The following PACRG variants were observed in gnomAD, a reference collection of about 807,000 sequenced individuals.
PACRG encodes the protein parkin coregulated gene protein.
In PACRG, 29 loss-of-function variants were observed where a neutral mutation model predicts 29.7. The ratio of observed to expected loss-of-function variants is 0.98; its 90% confidence interval spans 0.73 to 1.33. PACRG has a LOEUF of 1.33. PACRG is among the 40% of genes most tolerant of loss of function. PACRG has a pLI of 0.00. For missense variants in PACRG, 279 were observed against 316.2 expected (o/e 0.88, Z 0.89); for synonymous variants, 116 against 118.7 (o/e 0.98, Z 0.15).
At chr6:163,092,795 T>C (rs1209979306) in intron 4 of PACRG, among the ~76,000 whole-genome samples, 1 of 152,242 alleles carries the variant, frequency 6.6e-6, no homozygotes, top group Non-Finnish European at 1.5e-5. Context: ...CAACATTATA[T>C]ACATATCCAA....
At chr6:163,253,407 G>A (rs960610845) in intron 4 of PACRG, among the ~76,000 whole-genome samples, 1 of 151,916 alleles carries the variant, frequency 6.6e-6, no homozygotes, top group Non-Finnish European at 1.5e-5. Context: ...AAATCGAATT[G>A]GTTGGAATCC....
chr6:163,151,216 T>C lies in PACRG; in HGVS notation c.613+61808T>C, dbSNP rs75421377. On this transcript the variant is annotated intron_variant, in intron 4 of 4. Coordinates refer to ENST00000366888, the MANE Select transcript of PACRG (RefSeq NM_001080379.2). ...CTGAAATCTCACCATTGTACTCCAC[T>C]AGAATGAAACCTTTGTTGGCCCGGA... is the stretch of plus-strand genomic sequence containing the variant. Among the ~76,000 whole-genome samples the C allele has an allele frequency of 2.0e-5, 3 of 152,368 alleles. No homozygotes were observed. The East Asian group carries it at 5.8e-4, about 29-fold the overall frequency.
intron 4 of PACRG, among the ~76,000 whole-genome samples, chr6:163,128,674 G>A (rs1816609029): frequency 6.6e-6 from 1 of 152,194 alleles, no homozygotes; most frequent in South Asian, 2.1e-4. Flanking sequence ...CATGCCATTA[G>A]GATGATCATG....
intron 2 of PACRG, among the ~76,000 whole-genome samples, chr6:163,056,915 G>A (rs1204236152): frequency 6.6e-6 from 1 of 152,170 alleles, no homozygotes; most frequent in African/African-American, 2.4e-5. Context: ...TTTAGCAGCA[G>A]TGCTTTGGCA....
chr6:163,178,816 A>G (rs1779511358), intron 4 of PACRG, among the ~76,000 whole-genome samples: 1 of 152,326 alleles, frequency 6.6e-6, no homozygotes, highest in Admixed American at 6.5e-5. Flanking sequence ...TAGGTACAGT[A>G]TCTGGCATTC....
intron 3 of PACRG, among the ~76,000 whole-genome samples, chr6:163,074,136 C>T (rs1246870694): frequency 6.6e-6 from 1 of 152,138 alleles, no homozygotes; most frequent in African/African-American, 2.4e-5. Context: ...TTTATTGCAG[C>T]ACTATTCACA....
rs183267557 is a variant in PACRG, at chr6:162,989,031, A to G, written c.292-73119A>G. 8.5e-5 allele frequency among the ~76,000 whole-genome samples: 13 copies of G among 152,316 alleles called. No individual in the cohort carries two copies. In the East Asian group the frequency reaches 2.5e-3, roughly 29 times the overall value. ...CGAAAAAATTCAATATACTTTTTAAATAGCCCAATCAAGAATAGACACGTC... is the reference window on the plus strand; with the variant it reads ...CGAAAAAATTCAATATACTTTTTAAGTAGCCCAATCAAGAATAGACACGTC... On this transcript the variant is annotated intron_variant, in intron 2 of 4. Coordinates refer to ENST00000366888, the MANE Select transcript of PACRG (RefSeq NM_001080379.2).
chr6:162,937,781 G>A (rs9458674), intron 2 of PACRG, among the ~76,000 whole-genome samples: 4,426 of 152,120 alleles, frequency 0.029, 90 homozygotes, highest in Middle Eastern at 0.075. Flanking sequence ...AACATATTCT[G>A]TTGTCTCGGT....
At chr6:163,050,872 C>G (rs909781421) in intron 2 of PACRG, among the ~76,000 whole-genome samples, 5 of 152,144 alleles carry the variant, frequency 3.3e-5, no homozygotes, top group African/African-American at 1.2e-4. Context: ...TCTGCATTTT[C>G]CCTCTGAATA....
At chr6:162,869,716 G>T (rs1792637480) in intron 2 of PACRG, among the ~76,000 whole-genome samples, 1 of 152,120 alleles carries the variant, frequency 6.6e-6, no homozygotes, top group African/African-American at 2.4e-5. Context: ...TGCTTGGAAA[G>T]CCTGATTCTT....
At chr6:162,941,141 G>T (rs1168790978) in intron 2 of PACRG, among the ~76,000 whole-genome samples, 1 of 152,058 alleles carries the variant, frequency 6.6e-6, no homozygotes, top group Non-Finnish European at 1.5e-5. Flanking sequence ...AGCCTTTGGG[G>T]TTACCCTCTT....
At chr6:163,302,266 T>A (rs1230058056) in intron 4 of PACRG, among the ~76,000 whole-genome samples, 1 of 151,990 alleles carries the variant, frequency 6.6e-6, no homozygotes, top group Non-Finnish European at 1.5e-5. Flanking sequence ...TTGTTTTTTT[T>A]TTTGTAAGAT....
In PACRG at chr6:162,864,008, A is replaced by G. The variant is rs532395553; in HGVS notation, c.291+49727A>G. Among the ~76,000 whole-genome samples, 28 of 151,974 alleles carry G rather than the reference A, an allele frequency of 1.8e-4. No homozygotes were observed. In the South Asian group the frequency reaches 5.0e-3, roughly 27 times the overall value. On this transcript the variant is annotated intron_variant, in intron 2 of 4. Coordinates refer to ENST00000366888, the MANE Select transcript of PACRG (RefSeq NM_001080379.2). ...GTGCTTTGATGCATCTGTTTTCTCT[A>G]TGGAGCCAAGGAATTTTCCATCCTC...
chr6:162,753,005 T>C (rs1781625172), intron 1 of PACRG, among the ~76,000 whole-genome samples: 1 of 152,158 alleles, frequency 6.6e-6, no homozygotes, highest in Non-Finnish European at 1.5e-5. Flanking sequence ...TTCTATCATT[T>C]TGGGGGCACA....
At chr6:162,946,037 A>G (rs1798978107) in intron 2 of PACRG, among the ~76,000 whole-genome samples, 1 of 152,116 alleles carries the variant, frequency 6.6e-6, no homozygotes, top group Non-Finnish European at 1.5e-5. Flanking sequence ...GTTTATAGTG[A>G]TAAATGCCTG....
At chr6:163,004,984 A>G (rs554787898) in intron 2 of PACRG, among the ~76,000 whole-genome samples, 2 of 152,082 alleles carry the variant, frequency 1.3e-5, no homozygotes, top group South Asian at 4.1e-4. Context: ...TGAAAAATAA[A>G]TGAGTATATA....
chr6:163,018,607 G>T (rs1307353135), intron 2 of PACRG, among the ~76,000 whole-genome samples: 1 of 152,160 alleles, frequency 6.6e-6, no homozygotes, highest in Non-Finnish European at 1.5e-5. Context: ...CAACCTTTAT[G>T]AGTGAATTGG....
At chr6:163,091,843 TTA>T (rs1483227029) in intron 4 of PACRG, among the ~76,000 whole-genome samples, 3 of 152,218 alleles carry the variant, frequency 2.0e-5, no homozygotes, top group Non-Finnish European at 4.4e-5. Context: ...CATCACAAAA[TTA>T]TATATACTTA....
At chr6:163,156,465 C>G (rs1441102340) in intron 4 of PACRG, among the ~76,000 whole-genome samples, 3 of 152,110 alleles carry the variant, frequency 2.0e-5, no homozygotes, top group South Asian at 2.1e-4. Context: ...TGAGCGGTCT[C>G]CCTACGACCG....
Sources: allele counts gnomAD v4.1 joint callset (sites outside exome capture counted in the v4.1 genomes callset), GRCh38; gene constraint gnomAD v4.1.1; transcripts MANE v1.5; gene names NCBI Gene and HGNC (gene_info 2026-07-23, HGNC 2026-07-21).